ADAMTS14: variants seen among roughly 807,000 people sequenced by gnomAD.
ADAMTS14 encodes ADAM metallopeptidase with thrombospondin type 1 motif 14.
In ADAMTS14, 100 loss-of-function variants were observed where a neutral mutation model predicts 128.6. The ratio of observed to expected loss-of-function variants is 0.78; its 90% confidence interval spans 0.66 to 0.92. ADAMTS14 has a LOEUF of 0.92. Ranked by LOEUF, ADAMTS14 falls within the 40% of genes least tolerant of loss-of-function variation. The pLI, the probability that ADAMTS14 is intolerant of heterozygous loss-of-function variation, is 0.00. For missense variants in ADAMTS14, 1,562 were observed against 1,658.6 expected, an observed-to-expected ratio of 0.94 and a Z score of 1.01; for synonymous variants, 665 against 653.8, an observed-to-expected ratio of 1.02 and a Z score of -0.26.
Position 70,761,142 on chromosome 10 carries a change from G to T in ADAMTS14, c.*289G>T, listed in dbSNP as rs1842604409. 2 of 350,868 alleles carry T rather than the reference G, an allele frequency of 5.7e-6. No individual in the cohort carries two copies. The highest frequency in any genetic ancestry group is 1.0e-5 in the Non-Finnish European group (2 of 194,302). The allele number at this position is 350,868 out of a possible 1,614,324, so 21.7% of individuals were successfully genotyped here. A position where few individuals can be genotyped will look rare whatever the true frequency, so the allele number is the denominator to read the frequency against. ...CCTGCCAAGACCAGGGTCAACTATT[G>T]CTCCCTCCTCACAGACCCTGGGCCT... On this transcript the variant is annotated 3_prime_UTR_variant, in exon 22 of 22. Coordinates refer to ENST00000373207, the MANE Select transcript of ADAMTS14 (RefSeq NM_080722.4).
chr10:70,730,950 A>G (rs1017925399), intron 6 of ADAMTS14, among the ~76,000 whole-genome samples: 2 of 152,160 alleles, frequency 1.3e-5, no homozygotes, highest in African/African-American at 2.4e-5. Flanking sequence ...TCCAGGTTCC[A>G]TGTTGAAGGC....
At chr10:70,718,229 A>G (rs1444505112) in intron 4 of ADAMTS14, among the ~76,000 whole-genome samples, 2 of 152,148 alleles carry the variant, frequency 1.3e-5, no homozygotes, top group Non-Finnish European at 2.9e-5. Flanking sequence ...CCTCCTTGAC[A>G]CGAAGCAGAC....
At chr10:70,688,717 C>A (rs1354393402) in intron 2 of ADAMTS14, among the ~76,000 whole-genome samples, 18 of 91,274 alleles carry the variant, frequency 2.0e-4, no homozygotes, top group South Asian at 8.5e-4. Context: ...ACCAGTCAGG[C>A]GTGGCGGCGC....
intron 4 of ADAMTS14, among the ~76,000 whole-genome samples, chr10:70,709,494 A>ATTTT (rs1479257329): frequency 8.1e-5 from 6 of 73,728 alleles, no homozygotes; most frequent in Admixed American, 2.0e-4. Context: ...GAACATTTCC[A>ATTTT]GTTTTTTTTT....
intron 2 of ADAMTS14, among the ~76,000 whole-genome samples, chr10:70,687,248 A>G (rs1589262587): frequency 1.3e-5 from 1 of 77,686 alleles, no homozygotes; most frequent in Non-Finnish European, 2.7e-5. Context: ...TGACCCCCCC[A>G]CCTCCCTCCC....
intron 4 of ADAMTS14, among the ~76,000 whole-genome samples, chr10:70,714,134 A>T (rs1840944227): frequency 6.6e-6 from 1 of 152,208 alleles, no homozygotes; most frequent in Admixed American, 6.5e-5. Context: ...TCAAGGCTGC[A>T]GTGAGCTATG....
In ADAMTS14 at chr10:70,734,019, G is replaced by A. The variant is rs758220536; in HGVS notation, c.1343G>A (p.Arg448His). ...WSRCSKLELS[R>H]YLPSYDCLLD... Reference sequence around the variant, plus strand: ...CGCTGCAGCAAGCTGGAGCTCAGCCGCTACCTCCCGTAGGTCATTCCTGCC... The same window carrying A: ...CGCTGCAGCAAGCTGGAGCTCAGCCACTACCTCCCGTAGGTCATTCCTGCC... Residue 448 changes from arginine (R) to histidine (H), a missense_variant, in exon 8 of 22, where the codon CGC (arginine) becomes CAC (histidine). By Grantham distance (29) the Arg-to-His change is conservative. Transcript: ENST00000373207. The A allele has an allele frequency of 3.1e-5, 50 of 1,612,368 alleles. No homozygotes were observed. The highest frequency in any genetic ancestry group is 2.2e-5 in the East Asian group (1 of 44,870).
At chr10:70,730,417 G>A (rs1258752440) in intron 6 of ADAMTS14, among the ~76,000 whole-genome samples, 168 bp downstream of exon 6, 2 of 152,232 alleles carry the variant, frequency 1.3e-5, no homozygotes, top group South Asian at 2.1e-4. Flanking sequence ...TATTGGGACC[G>A]TGGGAAGTAG....
intron 15 of ADAMTS14, among the ~76,000 whole-genome samples, chr10:70,748,708 C>T (rs1453153189): frequency 1.9e-4 from 27 of 143,298 alleles, no homozygotes; most frequent in Non-Finnish European, 1.5e-5. Context: ...AAGCAGTTGG[C>T]AGAGTGACTG....
chr10:70,752,246 G>A lies in ADAMTS14; in HGVS notation c.2729+19G>A. 1 of 1,612,326 alleles carries A rather than the reference G, an allele frequency of 6.2e-7. No homozygotes were observed. The highest frequency in any genetic ancestry group is 1.1e-5 in the South Asian group (1 of 90,956). On this transcript the variant is annotated intron_variant, in intron 18 of 21. Transcript: ENST00000373207. ...AGCCTGTGTGAGTGCTCCCAGGGAG[G>A]GACGGGGAGTCTGGTTCTATGCCTA...
In ADAMTS14 at chr10:70,699,464, C is replaced by A. The variant is rs540724476; in HGVS notation, c.523-2848C>A. On this transcript the variant is annotated intron_variant, in intron 2 of 21. Coordinates refer to ENST00000373207, the MANE Select transcript of ADAMTS14 (RefSeq NM_080722.4). ...TGTCCCTACACAGAATCTGTTACAT[C>A]TTGAGGGAGGGAGCTCTCTGTCACT... Among the ~76,000 whole-genome samples, 56 of 152,268 alleles carry A rather than the reference C, an allele frequency of 3.7e-4. No individual in the cohort carries two copies. The South Asian group carries it at 0.011, about 31-fold the overall frequency.
At chr10:70,673,283 C>G (rs58369702) in intron 1 of ADAMTS14, among the ~76,000 whole-genome samples, 39,726 of 111,082 alleles carry the variant, frequency 0.36, 5,720 homozygotes, top group African/African-American at 0.42. Context: ...GTGTGTGTGT[C>G]TGTGTGTGGC....
chr10:70,718,474 G>T (rs997221667), intron 4 of ADAMTS14, among the ~76,000 whole-genome samples: 2 of 150,582 alleles, frequency 1.3e-5, no homozygotes, highest in African/African-American at 4.9e-5. Context: ...TGCAACCTCC[G>T]TCTCGCAGGT....
intron 2 of ADAMTS14, among the ~76,000 whole-genome samples, chr10:70,689,637 C>A (rs1048448285): frequency 1.4e-5 from 2 of 145,696 alleles, no homozygotes; most frequent in Non-Finnish European, 3.1e-5. Context: ...GTGGTGTGAG[C>A]CACCTCCTGT....
chr10:70,742,973 A>G (rs1007898050), intron 12 of ADAMTS14, among the ~76,000 whole-genome samples: 1 of 152,158 alleles, frequency 6.6e-6, no homozygotes, highest in African/African-American at 2.4e-5. Context: ...GACGCATGTC[A>G]TACATGTGCA....
At chr10:70,703,811 T>C (rs1840567405) in intron 3 of ADAMTS14, among the ~76,000 whole-genome samples, 1 of 152,112 alleles carries the variant, frequency 6.6e-6, no homozygotes, top group South Asian at 2.1e-4. Flanking sequence ...CCCAAAGAAA[T>C]GTGGCTGCGA....
intron 2 of ADAMTS14, among the ~76,000 whole-genome samples, chr10:70,697,462 G>A (rs1244799132): frequency 6.6e-6 from 1 of 152,242 alleles, no homozygotes; most frequent in Non-Finnish European, 1.5e-5. Context: ...GATCTCTTCT[G>A]TGCTCCTCTT....
At chr10:70,705,069 A>G (rs1357629817) in intron 3 of ADAMTS14, among the ~76,000 whole-genome samples, 1 of 152,094 alleles carries the variant, frequency 6.6e-6, no homozygotes, top group Non-Finnish European at 1.5e-5. Flanking sequence ...GCTCATATAC[A>G]CATACTCTCA....
intron 2 of ADAMTS14, among the ~76,000 whole-genome samples, chr10:70,679,657 G>T (rs1190946828): frequency 6.6e-6 from 1 of 152,260 alleles, no homozygotes; most frequent in African/African-American, 2.4e-5. Flanking sequence ...CTGCGACGGG[G>T]TGACGGGAGC....
Sources: allele counts gnomAD v4.1 joint callset (sites outside exome capture counted in the v4.1 genomes callset), GRCh38; gene constraint gnomAD v4.1.1; transcripts MANE v1.5; gene names NCBI Gene and HGNC (gene_info 2026-07-23, HGNC 2026-07-21).